Variants in DTNA observed in about 807,000 individuals in gnomAD.
DTNA encodes the protein dystrophin-related protein 3.
A neutral mutation model predicts 100.7 loss-of-function variants in DTNA; 43 were observed. The observed-to-expected ratio is 0.43, with a 90% CI of 0.33 to 0.55. DTNA has a LOEUF of 0.55. Among genes scored for constraint, DTNA ranks in the 20% least tolerant of loss-of-function variants. The probability of loss-of-function intolerance (pLI) is 0.04; values close to 1 mark genes in which losing one functional copy is unlikely to be tolerated. For missense variants in DTNA, 798 were observed against 953.9 expected, an observed-to-expected ratio of 0.84 and a Z score of 2.15; for synonymous variants, 349 against 347.9, an observed-to-expected ratio of 1.00 and a Z score of -0.04.
At chr18:34,605,336 A>C (rs1021083101) in intron 1 of DTNA, among the ~76,000 whole-genome samples, 11 of 152,192 alleles carry the variant, frequency 7.2e-5, no homozygotes, top group Non-Finnish European at 1.3e-4. Flanking sequence ...CACATGTCCA[A>C]ATGTGTGTTT....
intron 3 of DTNA, among the ~76,000 whole-genome samples, chr18:34,790,567 A>ATATATATATATATATATATATTTTTTT (rs2094687460): frequency 2.5e-5 from 1 of 39,660 alleles, no homozygotes; most frequent in African/African-American, 9.1e-5. Flanking sequence ...ATATATATAT[A>ATATATATATATATATATATATTTTTTT]TTTTTTTTTT....
chr18:34,576,475 A>G (rs1346665436), intron 1 of DTNA, among the ~76,000 whole-genome samples: 1 of 151,956 alleles, frequency 6.6e-6, no homozygotes, highest in East Asian at 1.9e-4. Context: ...TTATTTATTT[A>G]TTTATTTTGA....
intron 3 of DTNA, among the ~76,000 whole-genome samples, chr18:34,790,269 A>C (rs9945693): frequency 0.15 from 22,612 of 151,872 alleles, 2,048 homozygotes; most frequent in African/African-American, 0.26. Flanking sequence ...AAACAGACAA[A>C]CTGTTGGTCT....
intron 8 of DTNA, 21 bp from the exon 9 acceptor site, chr18:34,820,770 T>G (rs767583173): frequency 1.9e-6 from 3 of 1,614,096 alleles, no homozygotes; most frequent in Non-Finnish European, 2.5e-6. Context: ...TTGTCACTTC[T>G]GCCTTCCTTC....
At chr18:34,755,652 A>T (rs952970591) in intron 1 of DTNA, 7 of 320,908 alleles carry the variant, frequency 2.2e-5, no homozygotes, top group Admixed American at 4.5e-5. Flanking sequence ...ATTGAAAGAG[A>T]AACTGAATGG....
At chr18:34,548,495 A>G (rs1289806504) in intron 1 of DTNA, among the ~76,000 whole-genome samples, 1 of 152,176 alleles carries the variant, frequency 6.6e-6, no homozygotes, top group Non-Finnish European at 1.5e-5. Flanking sequence ...AAGGCATTTT[A>G]CAATCGAAGC....
At chr18:34,816,522 C>CT (rs1002013927) in intron 7 of DTNA, among the ~76,000 whole-genome samples, 1 of 152,036 alleles carries the variant, frequency 6.6e-6, no homozygotes, top group African/African-American at 2.4e-5. Flanking sequence ...CGTATCATGT[C>CT]TTTTTTTAAA....
intron 1 of DTNA, among the ~76,000 whole-genome samples, chr18:34,608,038 G>A (rs994419674): frequency 6.6e-6 from 1 of 152,146 alleles, no homozygotes; most frequent in African/African-American, 2.4e-5. Context: ...TGCTATGATG[G>A]ATGCCAATTA....
chr18:34,544,245 T>C (rs111970131), intron 1 of DTNA, among the ~76,000 whole-genome samples: 16 of 152,240 alleles, frequency 1.1e-4, no homozygotes, highest in African/African-American at 3.8e-4. Flanking sequence ...CAGTATGTCT[T>C]AATTTAAAAA....
chr18:34,637,978 T>G (rs2058841288), intron 1 of DTNA, among the ~76,000 whole-genome samples: 1 of 152,244 alleles, frequency 6.6e-6, no homozygotes. Context: ...CTCTTCACAT[T>G]GGAAAGAGTG....
At chr18:34,700,373 C>T (rs1170236820) in intron 1 of DTNA, among the ~76,000 whole-genome samples, 1 of 152,170 alleles carries the variant, frequency 6.6e-6, no homozygotes, top group Admixed American at 6.5e-5. Context: ...CCACTTCCAG[C>T]TCTTTTGCTC....
chr18:34,770,369 G>A (rs1041614945), intron 3 of DTNA, among the ~76,000 whole-genome samples: 1 of 152,084 alleles, frequency 6.6e-6, no homozygotes, highest in African/African-American at 2.4e-5. Flanking sequence ...AATGAATACT[G>A]TCTGCATACA....
At chr18:34,879,985 G>A (rs896929860) in intron 20 of DTNA, among the ~76,000 whole-genome samples, 8 of 152,094 alleles carry the variant, frequency 5.3e-5, no homozygotes, top group African/African-American at 1.9e-4. Flanking sequence ...CATTGCTAGT[G>A]CTATACAAAA....
At chr18:34,686,519 A>G (rs1339284975) in intron 1 of DTNA, among the ~76,000 whole-genome samples, 2 of 152,104 alleles carry the variant, frequency 1.3e-5, no homozygotes, top group South Asian at 2.1e-4. Flanking sequence ...TCTTTTTGAT[A>G]TGCTGCTGGA....
intron 3 of DTNA, among the ~76,000 whole-genome samples, chr18:34,781,250 T>G (rs2094306658): frequency 6.6e-6 from 1 of 152,208 alleles, no homozygotes; most frequent in Non-Finnish European, 1.5e-5. Flanking sequence ...TTTAAAAAAT[T>G]TTGTTTTAAT....
intron 22 of DTNA, 129 bp from the exon 23 acceptor site, chr18:34,887,637 G>A (rs1454976711): frequency 8.2e-6 from 5 of 608,602 alleles, no homozygotes; most frequent in Non-Finnish European, 1.0e-5. Context: ...GAGTGTGTGT[G>A]TGCATGTGTG....
chr18:34,849,932 C>T (rs1021474190), intron 14 of DTNA, among the ~76,000 whole-genome samples: 1 of 152,226 alleles, frequency 6.6e-6, no homozygotes, highest in African/African-American at 2.4e-5. Flanking sequence ...GCTAAATCTC[C>T]ATGCACATGT....
chr18:34,557,795 G>T (rs1348360865), intron 1 of DTNA, among the ~76,000 whole-genome samples: 1 of 152,098 alleles, frequency 6.6e-6, no homozygotes, highest in Non-Finnish European at 1.5e-5. Flanking sequence ...GGACATTTAA[G>T]TCTGCAGAGG....
chr18:34,661,697 G>A (rs2075212215), intron 1 of DTNA, among the ~76,000 whole-genome samples: 1 of 152,104 alleles, frequency 6.6e-6, no homozygotes, highest in Non-Finnish European at 1.5e-5. Flanking sequence ...GGAGATAAAG[G>A]CGCCTCTCCA....
Sources: gnomAD v4.1 joint callset for allele counts (sites outside exome capture counted in the v4.1 genomes callset) on GRCh38, gnomAD v4.1.1 for gene constraint, MANE v1.5 for transcripts, NCBI Gene and HGNC (gene_info 2026-07-23, HGNC 2026-07-21) for gene names.